NBEA: variants seen among roughly 807,000 people sequenced by gnomAD.
NBEA encodes neurobeachin.
In NBEA, 44 loss-of-function variants were observed where a neutral mutation model predicts 343.4. The observed-to-expected ratio is 0.13, with a 90% CI of 0.10 to 0.16. The LOEUF is 0.16. Among genes scored for constraint, NBEA ranks in the 10% least tolerant of loss-of-function variants. NBEA has a pLI of 1.00. For synonymous variants in NBEA, 1,175 were observed against 1,238.7 expected, an observed-to-expected ratio of 0.95 and a Z score of 1.08; for missense variants, 2,555 against 3,631.3, an observed-to-expected ratio of 0.70 and a Z score of 7.62.
intron 1 of NBEA, among the ~76,000 whole-genome samples, chr13:34,967,700 G>A (rs1459102239): frequency 6.6e-6 from 1 of 152,062 alleles, no homozygotes; most frequent in African/African-American, 2.4e-5. Context: ...TTTAGCCTTT[G>A]TGGGCCACAT....
At chr13:34,990,158 T>G (rs952938311) in intron 1 of NBEA, among the ~76,000 whole-genome samples, 1 of 150,946 alleles carries the variant, frequency 6.6e-6, no homozygotes, top group Non-Finnish European at 1.5e-5. Context: ...AAGCCGTCAG[T>G]GGGTCTACCA....
At chr13:34,998,631 G>T (rs975077781) in intron 1 of NBEA, among the ~76,000 whole-genome samples, 27 of 152,164 alleles carry the variant, frequency 1.8e-4, no homozygotes, top group African/African-American at 6.5e-4. Context: ...TTTGAAAGAA[G>T]AGAAATATGG....
At chr13:35,546,480 A>G (rs1055793416) in intron 41 of NBEA, among the ~76,000 whole-genome samples, 2 of 151,878 alleles carry the variant, frequency 1.3e-5, no homozygotes, top group Non-Finnish European at 2.9e-5. Flanking sequence ...AAAAAAAGAG[A>G]TAGAGTTACA....
intron 1 of NBEA, among the ~76,000 whole-genome samples, chr13:34,959,468 T>C (rs1009727736): frequency 7.2e-5 from 11 of 152,084 alleles, no homozygotes; most frequent in Non-Finnish European, 1.0e-4. Context: ...TACATAGCAG[T>C]TCAAGATTCC....
intron 27 of NBEA, among the ~76,000 whole-genome samples, chr13:35,174,825 A>G (rs9530275): frequency 0.96 from 145,570 of 151,074 alleles, 70,374 homozygotes; most frequent in East Asian, 1. Flanking sequence ...ATGGAGTCTC[A>G]CTCTGTTGCC....
At chr13:35,298,090 T>C (rs1224983915) in intron 35 of NBEA, among the ~76,000 whole-genome samples, 2 of 151,468 alleles carry the variant, frequency 1.3e-5, no homozygotes, top group Non-Finnish European at 3.0e-5. Context: ...TTCTATGTTA[T>C]ATGTATTATG....
intron 5 of NBEA, 114 bp from the exon 6 acceptor site, chr13:35,050,154 AC>A: frequency 1.2e-6 from 1 of 805,886 alleles, no homozygotes; most frequent in South Asian, 4.3e-5. Context: ...CACATATTAA[AC>A]TGCTTCTACT....
intron 33 of NBEA, among the ~76,000 whole-genome samples, chr13:35,217,785 G>A (rs1474856020): frequency 6.6e-6 from 1 of 152,018 alleles, no homozygotes; most frequent in East Asian, 1.9e-4. Flanking sequence ...TGGCTGGAGG[G>A]AATACAGACT....
At chr13:35,434,453 A>G (rs1039445939) in intron 39 of NBEA, among the ~76,000 whole-genome samples, 2 of 152,210 alleles carry the variant, frequency 1.3e-5, no homozygotes, top group Non-Finnish European at 2.9e-5. Flanking sequence ...AAAGAGGAGT[A>G]TGTTTTTATT....
intron 45 of NBEA, among the ~76,000 whole-genome samples, chr13:35,579,140 A>G (rs567837970): frequency 2.4e-4 from 36 of 152,244 alleles, no homozygotes; most frequent in Middle Eastern, 6.8e-3. Flanking sequence ...TCAGTTTTTT[A>G]TGATATATTA....
chr13:35,433,411 C>G (rs2045242223), intron 39 of NBEA, among the ~76,000 whole-genome samples: 1 of 151,928 alleles, frequency 6.6e-6, no homozygotes, highest in East Asian at 1.9e-4. Context: ...AGTGAGCCAT[C>G]TGTTTTTAAA....
At chr13:34,969,803 G>A (rs925244175) in intron 1 of NBEA, among the ~76,000 whole-genome samples, 1 of 151,348 alleles carries the variant, frequency 6.6e-6, no homozygotes, top group African/African-American at 2.4e-5. Flanking sequence ...TCATTGATAT[G>A]TATTGAAGTT....
chr13:35,424,152 G>T (rs2044488844), intron 38 of NBEA, among the ~76,000 whole-genome samples: 1 of 152,042 alleles, frequency 6.6e-6, no homozygotes, highest in Non-Finnish European at 1.5e-5. Flanking sequence ...TCCTTCTCCT[G>T]CCTGATTGCC....
chr13:35,221,361 C>T (rs1347863000), intron 33 of NBEA, among the ~76,000 whole-genome samples: 1 of 148,038 alleles, frequency 6.8e-6, no homozygotes. Flanking sequence ...AAACAAAAAA[C>T]TAAAAAAACT....
rs371120513 is a variant in NBEA, at chr13:35,159,204, C to T, written c.3033C>T (p.Ser1011=). The change falls in exon 22 of 59, where the codon AGC becomes AGT. Residue 1011 remains serine (S), a synonymous_variant. Coordinates refer to ENST00000379939, the MANE Select transcript of NBEA (RefSeq NM_001385012.1). ...REIEDLSQSQ[S]PESETDYPVS... ...TAGAAGATCTTTCACAAAGCCAGAG[C>T]CCAGAAAGTGAGACCGATTACCCTG... 4.8e-5 allele frequency: 78 copies of T among 1,613,354 alleles called. No homozygotes were observed. Among genetic ancestry groups the T allele is most frequent in the Non-Finnish European group, 6.3e-5 (74 of 1,179,632 alleles).
intron 34 of NBEA, among the ~76,000 whole-genome samples, chr13:35,269,158 T>C (rs2033931196): frequency 6.6e-6 from 1 of 152,278 alleles, no homozygotes; most frequent in African/African-American, 2.4e-5. Context: ...ACCCATAAAC[T>C]CTTTTTATGT....
intron 34 of NBEA, among the ~76,000 whole-genome samples, chr13:35,254,337 T>G (rs1233982714): frequency 6.6e-6 from 1 of 150,582 alleles, no homozygotes; most frequent in East Asian, 1.9e-4. Context: ...TTTTTTTTTT[T>G]TTTTTGAGAC....
At chr13:35,610,688 G>T (rs1043053308) in intron 48 of NBEA, among the ~76,000 whole-genome samples, 4 of 152,000 alleles carry the variant, frequency 2.6e-5, no homozygotes, top group Admixed American at 6.6e-5. Context: ...ACCTATAAAA[G>T]AAAACATTGA....
intron 38 of NBEA, among the ~76,000 whole-genome samples, chr13:35,381,348 T>G (rs2042004663): frequency 6.6e-6 from 1 of 152,126 alleles, no homozygotes; most frequent in South Asian, 2.1e-4. Context: ...TGGAAAGATA[T>G]ATAAGAATCA....
Sources: allele counts gnomAD v4.1 joint callset (sites outside exome capture counted in the v4.1 genomes callset), GRCh38; gene constraint gnomAD v4.1.1; transcripts MANE v1.5; gene names NCBI Gene and HGNC (gene_info 2026-07-23, HGNC 2026-07-21).